Variants in GRIA4 observed in about 807,000 individuals in gnomAD.
GRIA4 encodes glutamate receptor 4.
GRIA4 carries 34 observed loss-of-function variants against 104.0 expected under a neutral mutation model. That is an observed-to-expected ratio of 0.33 (90% CI 0.25 to 0.44). The LOEUF (loss-of-function observed/expected upper bound fraction) is 0.44, where lower values mean the gene tolerates loss of function less well. Among genes scored for constraint, GRIA4 ranks in the 20% least tolerant of loss-of-function variants. The probability of loss-of-function intolerance (pLI) is 1.00; values close to 1 mark genes in which losing one functional copy is unlikely to be tolerated. For missense variants in GRIA4, 750 were observed against 1,096.5 expected (o/e 0.68, Z 4.46); for synonymous variants, 386 against 381.9 (o/e 1.01, Z -0.13).
At chr11:105,771,694 C>CT (rs922849671) in intron 4 of GRIA4, among the ~76,000 whole-genome samples, 3 of 151,888 alleles carry the variant, frequency 2.0e-5, no homozygotes, top group Admixed American at 2.0e-4. Context: ...TACAGTTGAC[C>CT]TTTGAACAAT....
intron 4 of GRIA4, among the ~76,000 whole-genome samples, chr11:105,810,423 T>C (rs186916203): frequency 4.6e-5 from 7 of 152,244 alleles, no homozygotes; most frequent in East Asian, 1.9e-4. Context: ...CTGGCCACTA[T>C]TGGAGAGGAC....
chr11:105,812,063 GCAGGAGAAAAGAAAA>G (rs1434323446), intron 4 of GRIA4, among the ~76,000 whole-genome samples: 2 of 152,232 alleles, frequency 1.3e-5, no homozygotes, highest in African/African-American at 4.8e-5. Flanking sequence ...GAGAGTGCGA[GCAGGAGAAAAGAAAA>G]CAGACAAAGC....
At position 105,708,693 on chromosome 11, in the gene GRIA4, A is replaced by G. The variant is rs143275843; in HGVS notation, c.248-44288A>G. ...TTATATGTATACCAACATTGAGCAA[A>G]TAAGTAAAAATATTATGGATGATAA... On this transcript the variant is annotated intron_variant, in intron 3 of 16. Transcript: ENST00000282499. Among the ~76,000 whole-genome samples the G allele has an allele frequency of 1.4e-3, 208 of 152,206 alleles. 2 individuals are homozygous for G. The highest frequency in any genetic ancestry group is 1.3e-3 in the Non-Finnish European group (90 of 67,980).
chr11:105,692,539 C>A (rs1329821104), intron 3 of GRIA4, among the ~76,000 whole-genome samples: 1 of 152,094 alleles, frequency 6.6e-6, no homozygotes, highest in Non-Finnish European at 1.5e-5. Flanking sequence ...TAAGATGTTC[C>A]CCTTGACAAA....
At chr11:105,612,714 G>A in intron 3 of GRIA4, 1 of 304,786 alleles carries the variant, frequency 3.3e-6, no homozygotes, top group Non-Finnish European at 6.0e-6. Context: ...GATCATTCAA[G>A]TTAAATTTTC....
chr11:105,928,061 C>T (rs1437790815), intron 13 of GRIA4, among the ~76,000 whole-genome samples: 4 of 151,952 alleles, frequency 2.6e-5, no homozygotes, highest in Non-Finnish European at 5.9e-5. Flanking sequence ...TTCAGCTTAA[C>T]AATTATAAAC....
At chr11:105,648,501 T>A (rs1366070398) in intron 3 of GRIA4, among the ~76,000 whole-genome samples, 2 of 151,444 alleles carry the variant, frequency 1.3e-5, no homozygotes, top group African/African-American at 2.4e-5. Context: ...CCAATTTGAA[T>A]GCCTCAAAGA....
intron 3 of GRIA4, among the ~76,000 whole-genome samples, chr11:105,665,458 A>C (rs971604901): frequency 6.6e-6 from 1 of 151,912 alleles, no homozygotes; most frequent in African/African-American, 2.4e-5. Context: ...TCTCACCATT[A>C]GCGTATCCCG....
intron 4 of GRIA4, among the ~76,000 whole-genome samples, chr11:105,824,193 T>C (rs1289388042): frequency 6.6e-6 from 1 of 152,060 alleles, no homozygotes; most frequent in Non-Finnish European, 1.5e-5. Flanking sequence ...AGTAGGCATA[T>C]AGTTTTAAAA....
At chr11:105,761,972 C>A (rs944802942) in intron 4 of GRIA4, among the ~76,000 whole-genome samples, 7 of 151,958 alleles carry the variant, frequency 4.6e-5, no homozygotes, top group African/African-American at 1.4e-4. Context: ...AACAGTGTTA[C>A]TACCCATGTG....
chr11:105,641,933 GTCTGAGA>G (rs1489567416), intron 3 of GRIA4, among the ~76,000 whole-genome samples: 3 of 152,136 alleles, frequency 2.0e-5, no homozygotes, highest in Non-Finnish European at 4.4e-5. Context: ...GAGGCCGAAA[GTCTGAGA>G]TCAAGGAGGC....
intron 3 of GRIA4, among the ~76,000 whole-genome samples, chr11:105,619,534 GT>G (rs1322047439): frequency 1.6e-4 from 24 of 151,764 alleles, no homozygotes; most frequent in Admixed American, 2.6e-4. Flanking sequence ...TTTAAATCAC[GT>G]ACAGAAGTCT....
intron 3 of GRIA4, among the ~76,000 whole-genome samples, chr11:105,691,064 GGT>G (rs1055057391): frequency 1.3e-5 from 2 of 151,998 alleles, no homozygotes; most frequent in African/African-American, 2.4e-5. Flanking sequence ...TGAGACAGGG[GGT>G]GTGTGTGTGG....
At chr11:105,911,581 C>T (rs1947236174) in intron 10 of GRIA4, among the ~76,000 whole-genome samples, 1 of 151,100 alleles carries the variant, frequency 6.6e-6, no homozygotes, top group Non-Finnish European at 1.5e-5. Flanking sequence ...AAGGTTAAAG[C>T]ATGAAAATGC....
intron 14 of GRIA4, among the ~76,000 whole-genome samples, chr11:105,940,230 T>C (rs1948150355): frequency 6.6e-6 from 1 of 151,916 alleles, no homozygotes; most frequent in Non-Finnish European, 1.5e-5. Context: ...CCAGGCATGG[T>C]GGTGCACCTA....
intron 14 of GRIA4, among the ~76,000 whole-genome samples, chr11:105,946,144 C>A (rs1416520956): frequency 6.6e-6 from 1 of 152,070 alleles, no homozygotes; most frequent in African/African-American, 2.4e-5. Flanking sequence ...CTTCCCAGGC[C>A]TCTTGTGTAT....
intron 14 of GRIA4, among the ~76,000 whole-genome samples, chr11:105,968,688 G>A (rs935971728): frequency 3.3e-5 from 5 of 152,176 alleles, no homozygotes; most frequent in African/African-American, 1.2e-4. Flanking sequence ...GTTCATATGA[G>A]TTAATATTAT....
chr11:105,977,646 T>G (rs981948493), intron 16 of GRIA4, among the ~76,000 whole-genome samples: 1 of 152,050 alleles, frequency 6.6e-6, no homozygotes, highest in Admixed American at 6.5e-5. Context: ...ACTAGAAAGT[T>G]ATTTAGCATC....
chr11:105,737,330 G>C (rs1939015134), intron 3 of GRIA4, among the ~76,000 whole-genome samples: 1 of 152,000 alleles, frequency 6.6e-6, no homozygotes, highest in Non-Finnish European at 1.5e-5. Context: ...CATTTGACTA[G>C]TTCAATTATT....
Sources: gnomAD v4.1 joint callset for allele counts (sites outside exome capture counted in the v4.1 genomes callset) on GRCh38, gnomAD v4.1.1 for gene constraint, MANE v1.5 for transcripts, NCBI Gene and HGNC (gene_info 2026-07-23, HGNC 2026-07-21) for gene names.